The following IKZF3 variants were observed in gnomAD, a reference collection of about 807,000 sequenced individuals.
IKZF3 encodes zinc finger protein Aiolos.
In IKZF3, 10 loss-of-function variants were observed where a neutral mutation model predicts 49.0. The observed-to-expected ratio is 0.20, with a 90% CI of 0.13 to 0.35. IKZF3 has a LOEUF of 0.35. Ranked by LOEUF, IKZF3 falls within the 10% of genes least tolerant of loss-of-function variation. IKZF3 has a pLI of 1.00. For synonymous variants in IKZF3, 209 were observed against 228.2 expected (o/e 0.92, Z 0.76); for missense variants, 498 against 664.8 (o/e 0.75, Z 2.76).
chr17:39,780,498 G>A (rs1402422415), intron 6 of IKZF3, among the ~76,000 whole-genome samples: 1 of 151,828 alleles, frequency 6.6e-6, no homozygotes, highest in Non-Finnish European at 1.5e-5. Flanking sequence ...AAAGTTGCTG[G>A]GACTACAGTC....
At chr17:39,767,170 C>G (rs1231688961) in intron 7 of IKZF3, among the ~76,000 whole-genome samples, 1 of 152,110 alleles carries the variant, frequency 6.6e-6, no homozygotes. Context: ...GTCTTTGTCC[C>G]TTTCCTAACG....
At chr17:39,835,063 A>G in intron 1 of IKZF3, 2 of 420,876 alleles carry the variant, frequency 4.8e-6, no homozygotes, top group Non-Finnish European at 9.2e-6. Context: ...CAGCCAAAGG[A>G]GCTGGAGCCC....
intron 6 of IKZF3, among the ~76,000 whole-genome samples, chr17:39,785,645 T>C (rs1410388095): frequency 2.0e-5 from 3 of 152,130 alleles, no homozygotes; most frequent in Non-Finnish European, 2.9e-5. Flanking sequence ...TTCTGATTTT[T>C]CCCCCTCCTT....
At chr17:39,851,938 C>T (rs113233720) in intron 1 of IKZF3, among the ~76,000 whole-genome samples, 3,604 of 151,956 alleles carry the variant, frequency 0.024, 60 homozygotes, top group Non-Finnish European at 0.036. Flanking sequence ...GATTTTGCTA[C>T]AGAATTTTTA....
intron 1 of IKZF3, among the ~76,000 whole-genome samples, chr17:39,851,686 G>A (rs1447561404): frequency 6.6e-6 from 1 of 152,100 alleles, no homozygotes; most frequent in Non-Finnish European, 1.5e-5. Flanking sequence ...TGGACAGAAG[G>A]AAACCTTCTA....
intron 1 of IKZF3, among the ~76,000 whole-genome samples, chr17:39,833,106 C>T (rs2062161874): frequency 6.6e-6 from 1 of 152,158 alleles, no homozygotes; most frequent in African/African-American, 2.4e-5. Context: ...TGCTTTCTCA[C>T]ATATGTTTCC....
chr17:39,821,421 C>T (rs1167879823), intron 3 of IKZF3, among the ~76,000 whole-genome samples: 1 of 152,048 alleles, frequency 6.6e-6, no homozygotes, highest in Non-Finnish European at 1.5e-5. Context: ...ATTTTGATTC[C>T]TGAGTGGCCA....
chr17:39,800,602 T>C (rs1234829348), intron 3 of IKZF3, among the ~76,000 whole-genome samples: 2 of 152,226 alleles, frequency 1.3e-5, no homozygotes, highest in East Asian at 3.9e-4. Flanking sequence ...GTACAATTGC[T>C]CCCATCTTTG....
rs2143554229 is a variant in IKZF3 at position 39,765,481 on chromosome 17, C to A, written c.*309G>T. On this transcript the variant is annotated 3_prime_UTR_variant, in exon 8 of 8. Transcript: ENST00000346872. Reference sequence around the variant, plus strand: ...ATCTCAGAAAGAATGTTTCATATAGCACATCTCCGGGACCACTCATTCCAC... The same window carrying A: ...ATCTCAGAAAGAATGTTTCATATAGAACATCTCCGGGACCACTCATTCCAC... The A allele has an allele frequency of 8.1e-6, 2 of 245,648 alleles. No individual in the cohort carries two copies. Among genetic ancestry groups the A allele is most frequent in the African/African-American group, 2.2e-5 (1 of 44,854 alleles). The allele number at this position is 245,648 out of a possible 1,614,324, so 15.2% of individuals were successfully genotyped here. A position where few individuals can be genotyped will look rare whatever the true frequency, so the allele number is the denominator to read the frequency against.
At chr17:39,800,417 G>A (rs192709808) in intron 3 of IKZF3, among the ~76,000 whole-genome samples, 267 of 152,170 alleles carry the variant, frequency 1.8e-3, no homozygotes, top group Middle Eastern at 6.8e-3. Context: ...AAAGTTAAAG[G>A]CTTCCTGAAT....
intron 1 of IKZF3, among the ~76,000 whole-genome samples, chr17:39,849,128 A>C (rs922115948): frequency 6.6e-6 from 1 of 152,186 alleles, no homozygotes; most frequent in Non-Finnish European, 1.5e-5. Flanking sequence ...TTTGTATTAC[A>C]CATCTGACAA....
At chr17:39,853,769 A>G (rs1417803414) in intron 1 of IKZF3, among the ~76,000 whole-genome samples, 2 of 150,546 alleles carry the variant, frequency 1.3e-5, no homozygotes, top group African/African-American at 2.5e-5. Context: ...TGAGAGGTGA[A>G]GGTTGTAGTG....
intron 3 of IKZF3, among the ~76,000 whole-genome samples, chr17:39,824,175 G>T (rs1056535783): frequency 6.6e-6 from 1 of 152,238 alleles, no homozygotes; most frequent in African/African-American, 2.4e-5. Context: ...GTGAGACATG[G>T]AGTCAAAGGA....
intron 1 of IKZF3, among the ~76,000 whole-genome samples, chr17:39,834,826 C>T (rs2062217504): frequency 6.6e-6 from 1 of 152,166 alleles, no homozygotes; most frequent in South Asian, 2.1e-4. Flanking sequence ...CAGTAAACTC[C>T]CCATGGGTGG....
Position 39,766,504 on chromosome 17 carries a change from T to A in IKZF3, c.827-11A>T. On this transcript the variant is annotated splice_polypyrimidine_tract_variant and intron_variant, in intron 7 of 7. Transcript: ENST00000346872. ...AGTGGCGCTTCTCACCTGGAACAAG[T>A]GACAGAAAGGGTTACAAAGGGAACA... 1 of 1,595,672 alleles carries A rather than the reference T, an allele frequency of 6.3e-7. No homozygotes were observed. Among genetic ancestry groups the A allele is most frequent in the Non-Finnish European group, 8.5e-7 (1 of 1,170,742 alleles).
At chr17:39,828,855 G>T (rs1046199439) in intron 3 of IKZF3, among the ~76,000 whole-genome samples, 4 of 152,008 alleles carry the variant, frequency 2.6e-5, no homozygotes, top group African/African-American at 9.7e-5. Context: ...ACAAAAATTA[G>T]CCGGGCATGG....
intron 3 of IKZF3, among the ~76,000 whole-genome samples, chr17:39,816,757 C>T (rs1336360380): frequency 1.3e-5 from 2 of 152,246 alleles, no homozygotes; most frequent in South Asian, 2.1e-4. Context: ...CTCACTCCGT[C>T]GCCCAGGCTT....
intron 3 of IKZF3, among the ~76,000 whole-genome samples, chr17:39,817,071 A>C (rs1043147581): frequency 6.6e-6 from 1 of 152,120 alleles, no homozygotes; most frequent in African/African-American, 2.4e-5. Flanking sequence ...TTCCAAACTT[A>C]CTCTAGTTGG....
chr17:39,767,434 G>A (rs1290342600), intron 7 of IKZF3, among the ~76,000 whole-genome samples: 1 of 152,184 alleles, frequency 6.6e-6, no homozygotes, highest in Non-Finnish European at 1.5e-5. Flanking sequence ...GTGCTCAGTG[G>A]TGAGTGGTGG....
Sources: allele counts gnomAD v4.1 joint callset (sites outside exome capture counted in the v4.1 genomes callset), GRCh38; gene constraint gnomAD v4.1.1; transcripts MANE v1.5; gene names NCBI Gene and HGNC (gene_info 2026-07-23, HGNC 2026-07-21).